The following PLPP7 variants were observed in gnomAD, a reference collection of about 807,000 sequenced individuals.
PLPP7 encodes the protein inactive phospholipid phosphatase 7.
In PLPP7, 11 loss-of-function variants were observed where a neutral mutation model predicts 16.9. That is an observed-to-expected ratio of 0.65 (90% CI 0.41 to 1.08). The LOEUF (loss-of-function observed/expected upper bound fraction) is 1.08. Ranked by LOEUF, PLPP7 falls within the 50% of genes least tolerant of loss-of-function variation. The probability of loss-of-function intolerance (pLI) is 0.00; values close to 1 mark genes in which losing one functional copy is unlikely to be tolerated. For synonymous variants in PLPP7, 174 were observed against 175.1 expected (o/e 0.99, Z 0.05); for missense variants, 358 against 397.1 (o/e 0.90, Z 0.84).
Position 131,290,675 on chromosome 9 carries a change from G to C in PLPP7, c.451+227G>C, listed in dbSNP as rs58543988. Among the ~76,000 whole-genome samples the C allele has an allele frequency of 0.068, 10,377 of 152,274 alleles. 1,162 individuals carry two copies. The highest frequency in any genetic ancestry group is 0.23 in the African/African-American group (9,610 of 41,528). The stretch of plus-strand genomic sequence containing the variant: ...TCCTGCCACATGCCAAATGAAGACA[G>C]AGGCCATTGCGGCCCTGTGAGAAGG... On this transcript the variant is annotated intron_variant, in intron 1 of 1. Coordinates refer to ENST00000372264, the MANE Select transcript of PLPP7 (RefSeq NM_032728.4). The surrounding 1 kb of genome is among the most constrained non-coding windows in gnomAD (Gnocchi z 4.2).
Position 131,291,391 on chromosome 9 carries a change from G to A in PLPP7, c.451+943G>A, listed in dbSNP as rs563846440. The A allele has an allele frequency of 8.9e-4, 1,041 of 1,167,782 alleles. 3 individuals are homozygous for A. The highest frequency in any genetic ancestry group is 1.6e-3 in the Middle Eastern group (4 of 2,508). 72.3% of individuals were successfully genotyped at this position (1,167,782 alleles called of 1,614,324 possible). On this transcript the variant is annotated intron_variant, in intron 1 of 1. Transcript: ENST00000372264. ...CCAAAAGGGCATTGGGTTGGACCAC[G>A]GAGAACATCAGTTCCAGAGGAAGTT...
intron 1 of PLPP7, among the ~76,000 whole-genome samples, chr9:131,294,955 CTT>C (rs924615370): frequency 2.0e-5 from 3 of 147,484 alleles, no homozygotes; most frequent in African/African-American, 7.5e-5. Flanking sequence ...ATAAAAGTAT[CTT>C]TTTTTTTTCC....
chr9:131,298,478 CA>C (rs1835760086), intron 1 of PLPP7, among the ~76,000 whole-genome samples: 1 of 152,118 alleles, frequency 6.6e-6, no homozygotes, highest in African/African-American at 2.4e-5. Flanking sequence ...CAGCTGAGCC[CA>C]CAGCCTTCAC....
intron 1 of PLPP7, among the ~76,000 whole-genome samples, chr9:131,294,715 G>A (rs1364186025): frequency 4.6e-5 from 7 of 151,998 alleles, no homozygotes; most frequent in East Asian, 1.9e-4. Flanking sequence ...CTGTTGCCCT[G>A]GCTGGAGTGC....
chr9:131,307,932 T>C lies in PLPP7; in HGVS notation c.461T>C (p.Leu154Pro). 2 of 1,587,846 alleles carry C rather than the reference T, an allele frequency of 1.3e-6. No individual in the cohort carries two copies. The highest frequency in any genetic ancestry group is 1.7e-6 in the Non-Finnish European group (2 of 1,172,356). The change falls in exon 2 of 2, where the codon CTG becomes CCG. Residue 154 changes from leucine to proline, a missense_variant. Physicochemically the swap from Leu to Pro is moderately conservative, Grantham distance 98 (BLOSUM62 -3). Transcript: ENST00000372264. The part of the protein sequence containing the change: ...VLMNLLLALL[L>P]DIMTVAGVQK... ...TGTCTCCCCCCAACAGCCCTGCTCCTGGACATCATGACGGTGGCCGGCGTG... is the reference window on the plus strand; with the variant it reads ...TGTCTCCCCCCAACAGCCCTGCTCCCGGACATCATGACGGTGGCCGGCGTG...
intron 1 of PLPP7, among the ~76,000 whole-genome samples, chr9:131,302,242 T>C (rs552607689): frequency 1.3e-5 from 2 of 152,110 alleles, no homozygotes; most frequent in African/African-American, 4.8e-5. Flanking sequence ...TTTAACCCCC[T>C]CCCCATGAAC....
intron 1 of PLPP7, among the ~76,000 whole-genome samples, chr9:131,296,558 C>T (rs747665006): frequency 3.9e-5 from 6 of 152,178 alleles, no homozygotes; most frequent in African/African-American, 9.7e-5. Flanking sequence ...CCAGCCTACA[C>T]ATTCTTGTAG....
intron 1 of PLPP7, among the ~76,000 whole-genome samples, chr9:131,304,455 C>T (rs1002589469): frequency 6.6e-6 from 1 of 152,096 alleles, no homozygotes; most frequent in South Asian, 2.1e-4. Context: ...GCCAACATGG[C>T]GAAACCCCGT....
rs1178580942 is a variant in PLPP7, at chr9:131,298,384, G to A, written c.451+7936G>A. Among the ~76,000 whole-genome samples the A allele has an allele frequency of 7.9e-5, 12 of 152,200 alleles. No homozygotes were observed. The South Asian group carries it at 1.9e-3, about 24-fold the overall frequency. ...TGGGACCCCTCCTCCCAACCCAGCC[G>A]GAGAGAGACATCTGCCCACAAACCC... On this transcript the variant is annotated intron_variant, in intron 1 of 1. Coordinates refer to ENST00000372264, the MANE Select transcript of PLPP7 (RefSeq NM_032728.4).
rs560080445 is a variant in PLPP7, at chr9:131,294,414, C to T, written c.451+3966C>T. Among the ~76,000 whole-genome samples, 70 of 152,214 alleles carry T rather than the reference C, an allele frequency of 4.6e-4. 1 individual carries two copies. The highest frequency in any genetic ancestry group is 3.4e-3 in the Middle Eastern group (1 of 294). ...ATCACCGTCATCATTGTCAGAAGTC[C>T]AGGACCAGCCTCCTGCCAGGTACCT... On this transcript the variant is annotated intron_variant, in intron 1 of 1. Transcript: ENST00000372264.
rs1835891854 is a variant in PLPP7 at position 131,309,224 on chromosome 9, T to C, written c.*937T>C. 1 of 152,662 alleles carries C rather than the reference T, an allele frequency of 6.6e-6. No individual in the cohort carries two copies. The highest frequency in any genetic ancestry group is 6.5e-5 in the Admixed American group (1 of 15,286). The allele number at this position is 152,662 out of a possible 1,614,324, so 9.5% of individuals were successfully genotyped here. A position where few individuals can be genotyped will look rare whatever the true frequency, so the allele number is the denominator to read the frequency against. ...GTTTCCAAGTCACCCGTTTTGGATGTGCATTTCATGTGACAATACAGATGA... is the reference window on the plus strand; with the variant it reads ...GTTTCCAAGTCACCCGTTTTGGATGCGCATTTCATGTGACAATACAGATGA... On this transcript the variant is annotated 3_prime_UTR_variant, in exon 2 of 2. Transcript: ENST00000372264.
chr9:131,308,284 G>A lies in PLPP7; in HGVS notation c.813G>A (p.Trp271Ter). The A allele has an allele frequency of 1.9e-6, 3 of 1,581,004 alleles. No homozygotes were observed. The highest frequency in any genetic ancestry group is 2.3e-5 in the East Asian group (1 of 43,964). Residue 271 changes from tryptophan (W) to a stop codon, truncating the protein, a stop_gained, in exon 2 of 2, where the codon TGG becomes TGA. Coordinates refer to ENST00000372264, the MANE Select transcript of PLPP7 (RefSeq NM_032728.4). LOFTEE classifies it high-confidence loss of function. Reference protein sequence around the residue: ...SSTCQMLISAW With the variant: ...SSTCQMLISA ...CCTGCCAGATGCTCATCTCTGCCTG[G>A]TGAAGCGCCCGCCGGCCCACACAAG... is the stretch of plus-strand genomic sequence containing the variant.
At chr9:131,293,246 GCA>G (rs386738971) in intron 1 of PLPP7, among the ~76,000 whole-genome samples, 4 of 151,496 alleles carry the variant, frequency 2.6e-5, no homozygotes, top group Non-Finnish European at 5.9e-5. Context: ...TGCAGGTCGG[GCA>G]TATCACCCGT....
At chr9:131,291,620 A>T (rs1835679333) in intron 1 of PLPP7, among the ~76,000 whole-genome samples, 2 of 146,170 alleles carry the variant, frequency 1.4e-5, no homozygotes, top group African/African-American at 5.2e-5. Context: ...ACTGAAGTGC[A>T]GTGGCACGAT....
Position 131,308,677 on chromosome 9 carries a change from G to A in PLPP7, c.*390G>A, listed in dbSNP as rs1588211828. On this transcript the variant is annotated 3_prime_UTR_variant, in exon 2 of 2. Coordinates refer to ENST00000372264, the MANE Select transcript of PLPP7 (RefSeq NM_032728.4). ...GGCTGTGCCCATCACGCCACAGCAC[G>A]ACGCCTGCCAAAATGCCCCCAACCT... 2.9e-5 allele frequency: 6 copies of A among 204,452 alleles called. No individual in the cohort carries two copies. The South Asian group carries it at 3.0e-4, about 10-fold the overall frequency. The allele number at this position is 204,452 out of a possible 1,614,324, so 12.7% of individuals were successfully genotyped here. A position where few individuals can be genotyped will look rare whatever the true frequency, so the allele number is the denominator to read the frequency against.
At chr9:131,293,624 AC>A (rs1771556175) in intron 1 of PLPP7, among the ~76,000 whole-genome samples, 1 of 152,056 alleles carries the variant, frequency 6.6e-6, no homozygotes, top group Admixed American at 6.5e-5. Flanking sequence ...TTTGGAGGGC[AC>A]CCTTCAACCC....
At chr9:131,291,198 C>A in intron 1 of PLPP7, 1 of 1,362,294 alleles carries the variant, frequency 7.3e-7, no homozygotes, top group Non-Finnish European at 9.8e-7. Flanking sequence ...CAGCCCCCGT[C>A]CGGCCCACCC....
intron 1 of PLPP7, among the ~76,000 whole-genome samples, chr9:131,301,603 G>A (rs887719182): frequency 9.2e-5 from 14 of 152,264 alleles, no homozygotes; most frequent in East Asian, 3.9e-4. Flanking sequence ...AAAAGCCTTC[G>A]CTGGTGTTCC....
At chr9:131,291,073 T>G in intron 1 of PLPP7, 6 of 1,366,284 alleles carry the variant, frequency 4.4e-6, no homozygotes, top group Non-Finnish European at 5.9e-6. Flanking sequence ...GTTGTGGGTT[T>G]GTTTGTTTGC....
Sources: allele counts gnomAD v4.1 joint callset (sites outside exome capture counted in the v4.1 genomes callset), GRCh38; gene constraint gnomAD v4.1.1; non-coding constraint Gnocchi (gnomAD v3.1); transcripts MANE v1.5; gene names NCBI Gene and HGNC (gene_info 2026-07-23, HGNC 2026-07-21).